Variants in GSTA5 observed in about 807,000 individuals in gnomAD.
GSTA5 encodes the protein glutathione S-transferase A5.
In GSTA5, 25 loss-of-function variants were observed where a neutral mutation model predicts 21.8. That is an observed-to-expected ratio of 1.14 (90% CI 0.83 to 1.60). The LOEUF is 1.60. Ranked by LOEUF, GSTA5 falls within the 40% of genes most tolerant of loss-of-function variation. GSTA5 has a pLI of 0.00. For missense variants in GSTA5, 330 were observed against 259.2 expected (o/e 1.27, Z -1.88); for synonymous variants, 102 against 89.5 (o/e 1.14, Z -0.78).
At chr6:52,832,377 AC>A (rs892297611) in intron 5 of GSTA5, among the ~76,000 whole-genome samples, 1 of 152,162 alleles carries the variant, frequency 6.6e-6, no homozygotes, top group African/African-American at 2.4e-5. Flanking sequence ...CCATGGGACC[AC>A]CTTTTCTCAG....
upstream of GSTA5, among the ~76,000 whole-genome samples, chr6:52,844,237 C>T (rs541424746): frequency 6.6e-6 from 1 of 152,300 alleles, no homozygotes; most frequent in East Asian, 1.9e-4. Flanking sequence ...TTCCACTCCA[C>T]CTCATAATCT....
chr6:52,833,104 G>T, intron 4 of GSTA5, 114 bp from the exon 5 acceptor site: 3 of 1,184,226 alleles, frequency 2.5e-6, no homozygotes, highest in South Asian at 2.7e-5. Context: ...TTATTGCATG[G>T]GTGCAGAAAT....
At chr6:52,839,045 C>G (rs1764335098) in intron 1 of GSTA5, among the ~76,000 whole-genome samples, 1 of 152,082 alleles carries the variant, frequency 6.6e-6, no homozygotes, top group South Asian at 2.1e-4. Flanking sequence ...GATCTATGAT[C>G]ACACAGGACC....
At chr6:52,832,073 C>T in intron 5 of GSTA5, 103 bp from the exon 6 acceptor site, 2 of 1,487,950 alleles carry the variant, frequency 1.3e-6, no homozygotes, top group Non-Finnish European at 1.8e-6. Flanking sequence ...CCAAGCGAGT[C>T]CCCTCCATGA....
intron 1 of GSTA5, among the ~76,000 whole-genome samples, chr6:52,840,420 C>T (rs1281664373): frequency 4.6e-5 from 7 of 152,292 alleles, no homozygotes; most frequent in African/African-American, 1.7e-4. Context: ...TTCATGTCAT[C>T]AAATATTCAG....
At chr6:52,837,407 G>A (rs1395770067) in intron 2 of GSTA5, 151 bp downstream of exon 2, 3 of 501,946 alleles carry the variant, frequency 6.0e-6, no homozygotes, top group Non-Finnish European at 1.1e-5. Context: ...ACCTGATCAA[G>A]GAGCCACATC....
chr6:52,836,891 A>C (rs1764301335), intron 2 of GSTA5, among the ~76,000 whole-genome samples: 1 of 151,912 alleles, frequency 6.6e-6, no homozygotes, highest in Non-Finnish European at 1.5e-5. Flanking sequence ...CTGTTACTTC[A>C]TTTTTGTTTT....
chr6:52,842,395 C>T (rs1764389244), upstream of GSTA5, among the ~76,000 whole-genome samples: 1 of 132,904 alleles, frequency 7.5e-6, no homozygotes, highest in East Asian at 2.1e-4. Context: ...CCTTTAACAA[C>T]TAATGTATTT....
upstream of GSTA5, among the ~76,000 whole-genome samples, chr6:52,844,799 C>G (rs989521586): frequency 7.9e-5 from 12 of 152,278 alleles, no homozygotes; most frequent in African/African-American, 2.9e-4. Flanking sequence ...TGTCCCAGTG[C>G]TTGGAAGATG....
upstream of GSTA5, among the ~76,000 whole-genome samples, chr6:52,845,677 T>G (rs1561929161): frequency 2.0e-5 from 3 of 152,214 alleles, no homozygotes; most frequent in Non-Finnish European, 4.4e-5. Flanking sequence ...TATTACAGGA[T>G]CACAACTTAC....
rs1471565571 is a variant in GSTA5 at position 52,834,358 on chromosome 6, T to C, written c.273-76A>G. 7.5e-6 allele frequency: 11 copies of C among 1,457,706 alleles called. No homozygotes were observed. The East Asian group carries it at 2.3e-4, about 30-fold the overall frequency. The allele number at this position is 1,457,706 out of a possible 1,614,324, so 90.3% of individuals were successfully genotyped here. A position where few individuals can be genotyped will look rare whatever the true frequency, so the allele number is the denominator to read the frequency against. ...ATAGGTTTATAAAAACCTAAGAAAA[T>C]AGAGGGTCAGATGGTGGCAAAGTAA... On this transcript the variant is annotated intron_variant, in intron 3 of 5. Coordinates refer to ENST00000370989, the Ensembl canonical transcript of GSTA5.
intron 2 of GSTA5, 21 bp from the exon 3 acceptor site, chr6:52,836,389 A>AG (rs1561926600): frequency 1.1e-5 from 17 of 1,611,664 alleles, no homozygotes; most frequent in Non-Finnish European, 1.4e-5. Context: ...AGAAAAAAAA[A>AG]GGAGTATGAA....
rs1764256525 is a variant in GSTA5, at chr6:52,834,069, G to A, written c.414+72C>T. 4.5e-6 allele frequency: 7 copies of A among 1,554,916 alleles called. No homozygotes were observed. The East Asian group carries it at 1.3e-4, about 30-fold the overall frequency. On this transcript the variant is annotated intron_variant, in intron 4 of 5. Coordinates refer to ENST00000370989, the Ensembl canonical transcript of GSTA5. ...CTGAAAGTGAAGGTCAGTGGCCCCAGGAATGCCCAGCCACTATTTTTCTAC... is the reference window on the plus strand; with the variant it reads ...CTGAAAGTGAAGGTCAGTGGCCCCAAGAATGCCCAGCCACTATTTTTCTAC...
chr6:52,832,171 G>A (rs1206592810), intron 5 of GSTA5, among the ~76,000 whole-genome samples: 1 of 152,126 alleles, frequency 6.6e-6, no homozygotes, highest in Non-Finnish European at 1.5e-5. Context: ...CCCCAAAGAT[G>A]TCTTGAAGTT....
rs148310613 is a variant in GSTA5, at chr6:52,840,825, C to G, written c.-12G>C. On this transcript the variant is annotated 5_prime_UTR_variant, in exon 1 of 6. Coordinates refer to ENST00000370989, the Ensembl canonical transcript of GSTA5. ...GGCTTCTCTGCCATGATAGCAGTCTCCTGGAGGTTTCTCTAAGCCTGAATG... is the reference window on the plus strand; with the variant it reads ...GGCTTCTCTGCCATGATAGCAGTCTGCTGGAGGTTTCTCTAAGCCTGAATG... 4.0e-4 allele frequency: 651 copies of G among 1,610,776 alleles called. 4 individuals carry two copies. The East Asian group carries it at 0.011, about 27-fold the overall frequency.
upstream of GSTA5, among the ~76,000 whole-genome samples, chr6:52,845,052 T>C (rs549552692): frequency 6.6e-6 from 1 of 152,316 alleles, no homozygotes. Flanking sequence ...ATTTTGTCCA[T>C]GGAACTCTAG....
intron 1 of GSTA5, among the ~76,000 whole-genome samples, chr6:52,838,636 T>C (rs565102130): frequency 6.6e-6 from 1 of 152,206 alleles, no homozygotes; most frequent in Non-Finnish European, 1.5e-5. Context: ...AATACAGATA[T>C]GAAATTCAGT....
At chr6:52,832,752 AG>A in intron 5 of GSTA5, 106 bp downstream of exon 5, 1 of 1,552,262 alleles carries the variant, frequency 6.4e-7, no homozygotes, top group South Asian at 1.1e-5. Context: ...GGGGCACTGA[AG>A]GGCTGGAGAA....
chr6:52,833,229 G>A (rs916915848), intron 4 of GSTA5, among the ~76,000 whole-genome samples: 1 of 152,160 alleles, frequency 6.6e-6, no homozygotes, highest in African/African-American at 2.4e-5. Flanking sequence ...TCACTGTGGT[G>A]TCTACACAAC....
Sources: gnomAD v4.1 joint callset for allele counts (sites outside exome capture counted in the v4.1 genomes callset) on GRCh38, gnomAD v4.1.1 for gene constraint, MANE v1.5 for transcripts, NCBI Gene and HGNC (gene_info 2026-07-23, HGNC 2026-07-21) for gene names.